PTCHD4: variants seen among roughly 807,000 people sequenced by gnomAD.
PTCHD4 encodes patched domain containing 4.
Under a neutral mutation model 58.1 loss-of-function variants are expected in PTCHD4, and 33 were observed. That is an observed-to-expected ratio of 0.57 (90% CI 0.43 to 0.76). The LOEUF (loss-of-function observed/expected upper bound fraction) is 0.76, where lower values mean the gene tolerates loss of function less well. Among genes scored for constraint, PTCHD4 ranks in the 30% least tolerant of loss-of-function variants. The pLI, the probability that PTCHD4 is intolerant of heterozygous loss-of-function variation, is 0.00. For synonymous variants in PTCHD4, 478 were observed against 409.6 expected, an observed-to-expected ratio of 1.17 and a Z score of -2.02; for missense variants, 1,058 against 1,027.1, an observed-to-expected ratio of 1.03 and a Z score of -0.41.
intron 4 of PTCHD4, among the ~76,000 whole-genome samples, chr6:47,911,568 T>G (rs1294783065): frequency 6.6e-6 from 1 of 152,114 alleles, no homozygotes; most frequent in African/African-American, 2.4e-5. Context: ...AAGGATGATG[T>G]CCAGGTTTTG....
rs1160027864 is a variant in PTCHD4 at position 47,879,556 on chromosome 6, G to A, written c.1279C>T (p.His427Tyr). 6.2e-7 allele frequency: 1 copy of A among 1,613,620 alleles called. No homozygotes were observed. Among genetic ancestry groups the A allele is most frequent in the African/African-American group, 1.3e-5 (1 of 74,864 alleles). ...GTCTCATGATGGGACGTCTGTTGAT[G>A]CCCATCACTCATCACTGTCTGGAAC... ...VWFQTVMSDG[H>Y]QQTSHHETNP... The change falls in exon 5 of 5, where the codon CAT becomes TAT. Residue 427 changes from histidine (H) to tyrosine (Y), a missense_variant. Transcript: ENST00000339488.
chr6:47,985,422 A>G (rs903573306), intron 4 of PTCHD4, among the ~76,000 whole-genome samples: 14 of 152,150 alleles, frequency 9.2e-5, no homozygotes, highest in Non-Finnish European at 1.9e-4. Flanking sequence ...GTAGCAAAGC[A>G]TATACATAGA....
intron 4 of PTCHD4, among the ~76,000 whole-genome samples, chr6:48,002,705 T>C (rs975089867): frequency 5.9e-5 from 9 of 151,774 alleles, no homozygotes; most frequent in African/African-American, 2.2e-4. Flanking sequence ...CACATGTATA[T>C]ATATGTAACA....
At chr6:48,103,157 C>G (rs748716793) in intron 1 of PTCHD4, among the ~76,000 whole-genome samples, 1 of 152,242 alleles carries the variant, frequency 6.6e-6, no homozygotes, top group Non-Finnish European at 1.5e-5. Context: ...AGTGCCTCCT[C>G]AAGTGGGTCC....
In PTCHD4 at chr6:47,865,876, T is replaced by C. The variant is rs1763550927; in HGVS notation, c.*12427A>G. Among the ~76,000 whole-genome samples, 1 of 151,934 alleles carries C rather than the reference T, an allele frequency of 6.6e-6. No individual in the cohort carries two copies. ...GTTTGCAGGTCCTTATATGAAACTT[T>C]CTGGTTTGTACAAATTCAACTCCTG... On this transcript the variant is annotated 3_prime_UTR_variant, in exon 5 of 5. Transcript: ENST00000339488.
At chr6:47,917,439 C>T (rs1301433193) in intron 4 of PTCHD4, among the ~76,000 whole-genome samples, 5 of 152,068 alleles carry the variant, frequency 3.3e-5, no homozygotes, top group African/African-American at 9.7e-5. Context: ...ATATACAAAT[C>T]GTGTATTACT....
At chr6:48,097,929 C>G (rs893293192) in intron 1 of PTCHD4, among the ~76,000 whole-genome samples, 1 of 152,154 alleles carries the variant, frequency 6.6e-6, no homozygotes, top group Non-Finnish European at 1.5e-5. Flanking sequence ...CCCTTAACAT[C>G]AATTTCAGAA....
At chr6:47,883,916 T>A (rs1035025544) in intron 4 of PTCHD4, among the ~76,000 whole-genome samples, 1 of 152,218 alleles carries the variant, frequency 6.6e-6, no homozygotes, top group African/African-American at 2.4e-5. Flanking sequence ...CACACATACT[T>A]AATTATCTGT....
intron 3 of PTCHD4, among the ~76,000 whole-genome samples, chr6:48,059,536 G>A (rs562814027): frequency 5.9e-5 from 9 of 152,200 alleles, no homozygotes; most frequent in African/African-American, 1.9e-4. Flanking sequence ...CTACTCGGGA[G>A]GCTGAGGCAG....
At chr6:47,996,093 T>G (rs1768476039) in intron 4 of PTCHD4, among the ~76,000 whole-genome samples, 1 of 152,190 alleles carries the variant, frequency 6.6e-6, no homozygotes, top group African/African-American at 2.4e-5. Context: ...ATTTTTTTCG[T>G]TCATAGTAAT....
At position 47,866,764 on chromosome 6, in the gene PTCHD4, A is replaced by G. The variant is rs532820616; in HGVS notation, c.*11539T>C. On this transcript the variant is annotated 3_prime_UTR_variant, in exon 5 of 5. Transcript: ENST00000339488. ...TAAAAAGGACAAGGGTAATGTATAA[A>G]TCAGTTAGGTTTATGCTTAAAAACT... is the stretch of plus-strand genomic sequence containing the variant. 6.6e-6 allele frequency among the ~76,000 whole-genome samples: 1 copy of G among 152,014 alleles called. No individual in the cohort carries two copies. Among genetic ancestry groups the G allele is most frequent in the African/African-American group, 2.4e-5 (1 of 41,528 alleles).
intron 3 of PTCHD4, among the ~76,000 whole-genome samples, chr6:48,036,587 T>G (rs535553547): frequency 6.6e-6 from 1 of 152,138 alleles, no homozygotes; most frequent in Non-Finnish European, 1.5e-5. Flanking sequence ...GCCACAGTTA[T>G]CAGAAATTCT....
chr6:48,035,172 T>C (rs1763588185), intron 3 of PTCHD4, among the ~76,000 whole-genome samples: 1 of 152,106 alleles, frequency 6.6e-6, no homozygotes, highest in Admixed American at 6.6e-5. Flanking sequence ...CATTGAAATA[T>C]TATGATTTTT....
At chr6:47,900,101 A>C (rs1277976860) in intron 4 of PTCHD4, 1 of 152,150 alleles carries the variant, frequency 6.6e-6, no homozygotes, top group East Asian at 1.9e-4. Context: ...ACATTTGTAC[A>C]GTTTTGTGTG....
intron 3 of PTCHD4, among the ~76,000 whole-genome samples, chr6:48,057,171 GTTTTTTTTGT>G (rs1554174417): frequency 6.7e-6 from 1 of 149,400 alleles, no homozygotes; most frequent in South Asian, 2.1e-4. Flanking sequence ...TCTGGCGGCG[GTTTTTTTTGT>G]TTTTTTTTGT....
intron 1 of PTCHD4, among the ~76,000 whole-genome samples, chr6:48,097,171 TA>T (rs1765489684): frequency 6.6e-6 from 1 of 152,086 alleles, no homozygotes; most frequent in Admixed American, 6.5e-5. Flanking sequence ...TTATAAAATT[TA>T]AATGTGCTTG....
At chr6:48,000,739 G>A (rs1046924176) in intron 4 of PTCHD4, among the ~76,000 whole-genome samples, 1 of 152,126 alleles carries the variant, frequency 6.6e-6, no homozygotes, top group African/African-American at 2.4e-5. Context: ...TTTACCTATA[G>A]TAGGTGAACT....
At chr6:48,005,343 A>G (rs988549775) in intron 4 of PTCHD4, among the ~76,000 whole-genome samples, 5 of 152,198 alleles carry the variant, frequency 3.3e-5, no homozygotes, top group African/African-American at 1.2e-4. Context: ...ATAAATATTC[A>G]CTATCTCAAA....
Position 47,935,559 on chromosome 6 carries a change from T to G in PTCHD4, c.899-55623A>C, listed in dbSNP as rs556733594. 5.3e-5 allele frequency among the ~76,000 whole-genome samples: 8 copies of G among 152,298 alleles called. No individual in the cohort carries two copies. In the East Asian group the frequency reaches 1.2e-3, roughly 22 times the overall value. On this transcript the variant is annotated intron_variant, in intron 4 of 4. Coordinates refer to ENST00000339488, the MANE Select transcript of PTCHD4 (RefSeq NM_001384253.1). ...GGCCTCAAACCCCAAGAAAGCATTT[T>G]AGGAGGAATTCATCAGTACCAAATA...
Sources: allele counts gnomAD v4.1 joint callset (sites outside exome capture counted in the v4.1 genomes callset), GRCh38; gene constraint gnomAD v4.1.1; transcripts MANE v1.5; gene names NCBI Gene and HGNC (gene_info 2026-07-23, HGNC 2026-07-21).